The following SAMD5 variants were observed in gnomAD, a reference collection of about 807,000 sequenced individuals.
SAMD5 encodes sterile alpha motif domain containing 5.
In SAMD5, 13 loss-of-function variants were observed where a neutral mutation model predicts 11.3. The ratio of observed to expected loss-of-function variants is 1.15; its 90% CI spans 0.75 to 1.83. The LOEUF (loss-of-function observed/expected upper bound fraction) is 1.83, where lower values mean the gene tolerates loss of function less well. Ranked by LOEUF, SAMD5 falls within the 40% of genes most tolerant of loss-of-function variation. The pLI, the probability that SAMD5 is intolerant of heterozygous loss-of-function variation, is 0.00. For synonymous variants in SAMD5, 129 were observed against 111.3 expected, an observed-to-expected ratio of 1.16 and a Z score of -1.00; for missense variants, 255 against 239.1, an observed-to-expected ratio of 1.07 and a Z score of -0.44.
chr6:147,630,811 A>G (rs544872772), intron 1 of SAMD5, among the ~76,000 whole-genome samples: 1 of 152,112 alleles, frequency 6.6e-6, no homozygotes, highest in South Asian at 2.1e-4. Context: ...CCTTCTCTTA[A>G]TTTCAATTCC....
At chr6:147,667,024 T>G (rs189809737) in intron 1 of SAMD5, among the ~76,000 whole-genome samples, 2 of 152,284 alleles carry the variant, frequency 1.3e-5, no homozygotes, top group Admixed American at 1.3e-4. Context: ...GTCACCTCCC[T>G]CATGAAGCCT....
the SAMD5 span, among the ~76,000 whole-genome samples, chr6:147,894,955 G>A: frequency 6.6e-6 from 1 of 152,144 alleles, no homozygotes; most frequent in African/African-American, 2.4e-5. Context: ...GGAAGTATTA[G>A]CATATCAGAT....
chr6:147,647,860 T>C (rs1211726049), intron 1 of SAMD5, among the ~76,000 whole-genome samples: 1 of 152,220 alleles, frequency 6.6e-6, no homozygotes, highest in Non-Finnish European at 1.5e-5. Context: ...TTTGAGCTTA[T>C]CTCAGTAAAA....
chr6:147,604,950 A>G (rs1199734701), intron 1 of SAMD5, among the ~76,000 whole-genome samples: 1 of 152,208 alleles, frequency 6.6e-6, no homozygotes, highest in Non-Finnish European at 1.5e-5. Flanking sequence ...TAAAGCTCTT[A>G]AGTGTGGCCA....
chr6:147,860,178 A>G, the SAMD5 span, among the ~76,000 whole-genome samples: 2 of 152,200 alleles, frequency 1.3e-5, no homozygotes, highest in Non-Finnish European at 2.9e-5. Flanking sequence ...AACCCTTGGC[A>G]TTCTTTGGCT....
intron 1 of SAMD5, among the ~76,000 whole-genome samples, chr6:147,662,944 GT>G (rs1054885137): frequency 1.3e-5 from 2 of 152,150 alleles, no homozygotes; most frequent in African/African-American, 2.4e-5. Context: ...AGTGTGATTT[GT>G]TTTTAATTAT....
At position 147,737,341 on chromosome 6, in the gene SAMD5, G is replaced by T; in HGVS notation, c.187G>T (p.Glu63Ter). 1 of 1,258,938 alleles carries T rather than the reference G, an allele frequency of 7.9e-7. No homozygotes were observed. The highest frequency in any genetic ancestry group is 1.0e-6 in the Non-Finnish European group (1 of 969,158). 78.0% of individuals were successfully genotyped at this position (1,258,938 alleles called of 1,614,324 possible). ...GGTATTATTATGCCGCTACCTTCAA[G>T]AAGTAATTTGCGTGCTGTTTATTGG... Residue 63 changes from glutamate to a stop codon, truncating the protein, a stop_gained, in exon 2 of 2, where the codon GAA (glutamate) becomes TAA (stop). Coordinates refer to the SAMD5 transcript ENST00000566741. LOFTEE classifies it high-confidence loss of function.
At chr6:147,582,425 G>A (rs1789313285) in intron 1 of SAMD5, among the ~76,000 whole-genome samples, 1 of 152,148 alleles carries the variant, frequency 6.6e-6, no homozygotes, top group East Asian at 1.9e-4. Context: ...CTCTGTGCCG[G>A]CTTTGCCAAA....
At chr6:147,851,331 G>T in the SAMD5 span, among the ~76,000 whole-genome samples, 1 of 152,068 alleles carries the variant, frequency 6.6e-6, no homozygotes, top group Non-Finnish European at 1.5e-5. Flanking sequence ...GTATAGATAA[G>T]AAGAAAACAT....
chr6:147,542,601 G>A (rs527597787), intron 1 of SAMD5, among the ~76,000 whole-genome samples: 1 of 152,222 alleles, frequency 6.6e-6, no homozygotes, highest in Admixed American at 6.5e-5. Context: ...TTTTTGCGCT[G>A]AGTCAGTTCC....
At chr6:147,780,204 CTT>C in the SAMD5 span, among the ~76,000 whole-genome samples, 8 of 143,416 alleles carry the variant, frequency 5.6e-5, no homozygotes, top group African/African-American at 7.7e-5. Flanking sequence ...TAACTTAATT[CTT>C]TTTTTTTTTT....
At chr6:147,818,920 G>A in the SAMD5 span, among the ~76,000 whole-genome samples, 7 of 152,046 alleles carry the variant, frequency 4.6e-5, no homozygotes, top group East Asian at 1.9e-4. Context: ...GCAGTGTGGC[G>A]ATTACTCAAA....
chr6:147,764,626 A>G, the SAMD5 span, among the ~76,000 whole-genome samples: 1 of 152,068 alleles, frequency 6.6e-6, no homozygotes, highest in Admixed American at 6.6e-5. Context: ...AAGTGTAGTA[A>G]CTCTGCCAAA....
At chr6:147,795,404 T>TCCCC in the SAMD5 span, among the ~76,000 whole-genome samples, 1 of 140,806 alleles carries the variant, frequency 7.1e-6, no homozygotes, top group Non-Finnish European at 1.5e-5. Flanking sequence ...CTCATCATTT[T>TCCCC]TTATGGCTGC....
the SAMD5 span, among the ~76,000 whole-genome samples, chr6:147,854,320 A>T: frequency 6.6e-6 from 1 of 152,202 alleles, no homozygotes; most frequent in Non-Finnish European, 1.5e-5. Context: ...CACTGAAAAG[A>T]GCCTTCAGAG....
the SAMD5 span, among the ~76,000 whole-genome samples, chr6:147,860,913 C>T: frequency 2.0e-5 from 3 of 152,084 alleles, no homozygotes; most frequent in East Asian, 5.8e-4. Context: ...TCTCCATATA[C>T]AACAATAATG....
chr6:147,732,226 A>T (rs1306725499), intron 1 of SAMD5, among the ~76,000 whole-genome samples: 1 of 152,158 alleles, frequency 6.6e-6, no homozygotes, highest in Non-Finnish European at 1.5e-5. Context: ...GTGACCCTTG[A>T]GAAAAGAATT....
intron 1 of SAMD5, chr6:147,729,768 G>A (rs1791682033): frequency 4.4e-6 from 2 of 456,946 alleles, no homozygotes; most frequent in South Asian, 3.1e-5. Flanking sequence ...GTTCTGAGAG[G>A]TGATGTGCCT....
intron 1 of SAMD5, among the ~76,000 whole-genome samples, chr6:147,624,014 C>T (rs140070008): frequency 0.024 from 3,604 of 152,154 alleles, 98 homozygotes; most frequent in Admixed American, 0.076. Flanking sequence ...GGATTACAGG[C>T]GTGTGCCACC....
Sources: gnomAD v4.1 joint callset for allele counts (sites outside exome capture counted in the v4.1 genomes callset) on GRCh38, gnomAD v4.1.1 for gene constraint, MANE v1.5 for transcripts, NCBI Gene and HGNC (gene_info 2026-07-23, HGNC 2026-07-21) for gene names.